The following POU2F1 variants were observed in gnomAD, a reference collection of about 807,000 sequenced individuals.
POU2F1 encodes POU class 2 homeobox 1, also known as POU domain, class 2, transcription factor 1.
In POU2F1, 16 loss-of-function variants were observed where a neutral mutation model predicts 84.9. The ratio of observed to expected loss-of-function variants is 0.19; its 90% CI spans 0.13 to 0.29. POU2F1 has a LOEUF of 0.29. POU2F1 is among the 10% of genes least tolerant of loss of function. The pLI, the probability that POU2F1 is intolerant of heterozygous loss-of-function variation, is 1.00. For missense variants in POU2F1, 738 were observed against 942.6 expected (o/e 0.78, Z 2.84); for synonymous variants, 368 against 368.3 (o/e 1.00, Z 0.01).
chr1:167,314,029 T>C (rs996975841), intron 1 of POU2F1, among the ~76,000 whole-genome samples: 7 of 152,034 alleles, frequency 4.6e-5, no homozygotes, highest in African/African-American at 1.7e-4. Context: ...AAACCTCGTC[T>C]CTACTGAAAA....
At chr1:167,223,832 A>G (rs1648423044) in intron 1 of POU2F1, among the ~76,000 whole-genome samples, 1 of 152,228 alleles carries the variant, frequency 6.6e-6, no homozygotes, top group African/African-American at 2.4e-5. Flanking sequence ...ATATAATTTC[A>G]TGCCTTAAAT....
At chr1:167,330,333 T>C (rs1656998618) in intron 1 of POU2F1, among the ~76,000 whole-genome samples, 1 of 152,154 alleles carries the variant, frequency 6.6e-6, no homozygotes, top group African/African-American at 2.4e-5. Flanking sequence ...TGAATTCTTA[T>C]GCATAAGGCA....
chr1:167,242,182 A>G (rs922591856), intron 1 of POU2F1, among the ~76,000 whole-genome samples: 1 of 152,142 alleles, frequency 6.6e-6, no homozygotes, highest in Non-Finnish European at 1.5e-5. Context: ...AACATTAATT[A>G]TGGTTTAACT....
intron 1 of POU2F1, among the ~76,000 whole-genome samples, chr1:167,293,864 A>G (rs2102542444): frequency 6.6e-6 from 1 of 152,244 alleles, no homozygotes; most frequent in South Asian, 2.1e-4. Context: ...AGGAAAGGAC[A>G]CCCTATTTAA....
intron 11 of POU2F1, 109 bp from the exon 12 acceptor site, chr1:167,399,073 GTGGA>G: frequency 1.0e-6 from 1 of 992,406 alleles, no homozygotes; most frequent in Non-Finnish European, 1.4e-6. Flanking sequence ...GTGGCCTAAT[GTGGA>G]TGGTCATATG....
chr1:167,223,226 C>A (rs570182247), intron 1 of POU2F1, among the ~76,000 whole-genome samples: 2 of 152,114 alleles, frequency 1.3e-5, no homozygotes, highest in Non-Finnish European at 2.9e-5. Context: ...ATAGGCATTG[C>A]GTTTACCCTG....
Position 167,415,819 on chromosome 1 carries a change from G to A in POU2F1, c.*9G>A, listed in dbSNP as rs1650271531. ...CCTCCAAGGCACAGTGAGCTGGGCAGAGCTGGGCTGCCAGAAGCCTTTTTC... is the reference window on the plus strand; with the variant it reads ...CCTCCAAGGCACAGTGAGCTGGGCAAAGCTGGGCTGCCAGAAGCCTTTTTC... On this transcript the variant is annotated 3_prime_UTR_variant, in exon 16 of 16. Transcript: ENST00000367866. 3 of 1,607,684 alleles carry A rather than the reference G, an allele frequency of 1.9e-6. No homozygotes were observed. The African/African-American group carries it at 4.0e-5, about 22-fold the overall frequency.
chr1:167,335,154 A>G (rs193285703), intron 2 of POU2F1, among the ~76,000 whole-genome samples: 36 of 152,358 alleles, frequency 2.4e-4, no homozygotes, highest in Admixed American at 7.2e-4. Flanking sequence ...GTATTCAGTA[A>G]GTGCCCGTTC....
rs1023224219 is a variant in POU2F1, at chr1:167,418,911, A to G, written c.*3101A>G. 1 of 152,196 alleles carries G rather than the reference A, an allele frequency of 6.6e-6. No homozygotes were observed. The highest frequency in any genetic ancestry group is 1.5e-5 in the Non-Finnish European group (1 of 68,042). The allele number at this position is 152,196 out of a possible 1,614,324, so 9.4% of individuals were successfully genotyped here. On this transcript the variant is annotated 3_prime_UTR_variant, in exon 16 of 16. Coordinates refer to ENST00000367866, the MANE Select transcript of POU2F1 (RefSeq NM_002697.4). ...TTAGGAAAAGATAAATCTTTAGATAAAAATAAATTTTTTTCTCTTTTTTTA... is the reference window on the plus strand; with the variant it reads ...TTAGGAAAAGATAAATCTTTAGATAGAAATAAATTTTTTTCTCTTTTTTTA...
At chr1:167,228,096 A>G (rs1352884685) in intron 1 of POU2F1, among the ~76,000 whole-genome samples, 1 of 152,220 alleles carries the variant, frequency 6.6e-6, no homozygotes, top group Non-Finnish European at 1.5e-5. Context: ...TTTTAAACCG[A>G]GCTTTAAAGG....
chr1:167,275,166 A>C (rs1440232568), intron 1 of POU2F1, among the ~76,000 whole-genome samples: 1 of 150,858 alleles, frequency 6.6e-6, no homozygotes, highest in Non-Finnish European at 1.5e-5. Flanking sequence ...CTGAGACTAC[A>C]GGCTTGCACC....
At chr1:167,317,011 C>T (rs1655953392) in intron 1 of POU2F1, among the ~76,000 whole-genome samples, 1 of 152,180 alleles carries the variant, frequency 6.6e-6, no homozygotes, top group Admixed American at 6.5e-5. Flanking sequence ...CGTGCCTCAG[C>T]CTCCTCAGTA....
chr1:167,277,827 C>A (rs866219813), intron 1 of POU2F1, among the ~76,000 whole-genome samples: 1 of 152,266 alleles, frequency 6.6e-6, no homozygotes, highest in Non-Finnish European at 1.5e-5. Context: ...ATTCCTAATA[C>A]CCCCTCTCCC....
intron 2 of POU2F1, among the ~76,000 whole-genome samples, chr1:167,354,539 G>T (rs1571354788): frequency 6.6e-6 from 1 of 152,124 alleles, no homozygotes; most frequent in South Asian, 2.1e-4. Flanking sequence ...TGATCTGCCC[G>T]TCTCGGCCTC....
intron 1 of POU2F1, among the ~76,000 whole-genome samples, chr1:167,253,090 A>C (rs1262089328): frequency 6.6e-6 from 1 of 152,258 alleles, no homozygotes; most frequent in Non-Finnish European, 1.5e-5. Flanking sequence ...CCCAAAGAGC[A>C]TGCTATGATG....
intron 1 of POU2F1, among the ~76,000 whole-genome samples, chr1:167,268,391 CTGTT>C (rs1368447240): frequency 6.6e-6 from 1 of 152,032 alleles, no homozygotes; most frequent in Non-Finnish European, 1.5e-5. Flanking sequence ...ATTTTCCTTT[CTGTT>C]TGTGTGTCTG....
At chr1:167,234,375 G>A (rs1206631084) in intron 1 of POU2F1, among the ~76,000 whole-genome samples, 2 of 152,116 alleles carry the variant, frequency 1.3e-5, no homozygotes, top group African/African-American at 2.4e-5. Flanking sequence ...TTTGAAGTTG[G>A]TTGTATGCAA....
At chr1:167,261,436 G>T (rs1396164901) in intron 1 of POU2F1, among the ~76,000 whole-genome samples, 1 of 152,210 alleles carries the variant, frequency 6.6e-6, no homozygotes. Context: ...GTAGGTTGGA[G>T]ATGTGGTCCT....
At chr1:167,338,997 C>A (rs145366671) in intron 2 of POU2F1, among the ~76,000 whole-genome samples, 4 of 152,096 alleles carry the variant, frequency 2.6e-5, no homozygotes, top group African/African-American at 7.2e-5. Flanking sequence ...GGTCAGAGTC[C>A]TAAAATGAGA....
Sources: allele counts gnomAD v4.1 joint callset (sites outside exome capture counted in the v4.1 genomes callset), GRCh38; gene constraint gnomAD v4.1.1; transcripts MANE v1.5; gene names NCBI Gene and HGNC (gene_info 2026-07-23, HGNC 2026-07-21).